The following CUX1 variants were observed in gnomAD, a reference collection of about 807,000 sequenced individuals.
The protein encoded by CUX1 is protein CASP.
CUX1 carries 31 observed loss-of-function variants against 158.8 expected under a neutral mutation model. The ratio of observed to expected loss-of-function variants is 0.20; its 90% CI spans 0.15 to 0.26. CUX1 has a LOEUF of 0.26. Ranked by LOEUF, CUX1 falls within the 10% of genes least tolerant of loss-of-function variation. CUX1 has a pLI of 1.00. For missense variants in CUX1, 1,589 were observed against 2,014.6 expected (o/e 0.79, Z 4.04); for synonymous variants, 879 against 862.1 (o/e 1.02, Z -0.34).
chr7:102,209,259 T>A (rs1340485283), intron 20 of CUX1, among the ~76,000 whole-genome samples: 1 of 152,214 alleles, frequency 6.6e-6, no homozygotes, highest in Non-Finnish European at 1.5e-5. Flanking sequence ...AACTGACATT[T>A]CATTCACATC....
chr7:102,205,284 G>T, intron 20 of CUX1, 114 bp downstream of exon 20: 1 of 795,356 alleles, frequency 1.3e-6, no homozygotes. Context: ...CTGGATTTGG[G>T]GAGCTGAAAT....
chr7:102,257,138 CT>C lies in CUX1; in HGVS notation c.*8098del. The C allele has an allele frequency of 1.0e-6, 1 of 985,384 alleles. No individual in the cohort carries two copies. The highest frequency in any genetic ancestry group is 1.2e-6 in the Non-Finnish European group (1 of 829,936). The allele number at this position is 985,384 out of a possible 1,614,324, so 61.0% of individuals were successfully genotyped here. On this transcript the variant is annotated 3_prime_UTR_variant, in exon 24 of 24. Transcript: ENST00000292535. Reference sequence around the variant, plus strand: ...ATCCCATGGGCCCAGCAGAAGGAAACTTACCCCAGGCCAAGGCAAGGGCCCT... The same window carrying C: ...ATCCCATGGGCCCAGCAGAAGGAAACTACCCCAGGCCAAGGCAAGGGCCCT...
At chr7:102,061,040 C>G (rs1014773431) in intron 3 of CUX1, among the ~76,000 whole-genome samples, 5 of 149,990 alleles carry the variant, frequency 3.3e-5, no homozygotes, top group Non-Finnish European at 5.9e-5. Context: ...TTCTCCTGCC[C>G]CAGCCTCCCC....
chr7:101,947,735 TA>T (rs1808570681), intron 2 of CUX1, among the ~76,000 whole-genome samples: 1 of 152,228 alleles, frequency 6.6e-6, no homozygotes, highest in African/African-American at 2.4e-5. Flanking sequence ...GGGATTTTTT[TA>T]AAAGGAATCT....
Position 102,249,153 on chromosome 7 carries a change from C to CCT in CUX1, c.*112_*113insTC, listed in dbSNP as rs1801195660. On this transcript the variant is annotated 3_prime_UTR_variant, in exon 24 of 24. Transcript: ENST00000292535. ...GCCTGGGCTTGGCCCGCGGCCTGCA[C>CCT]CGACCCCGGGCCGGACCTGAGCCCG... The CCT allele has an allele frequency of 4.3e-6, 5 of 1,152,276 alleles. No homozygotes were observed. The highest frequency in any genetic ancestry group is 4.7e-5 in the Admixed American group (1 of 21,144). 71.4% of individuals were successfully genotyped at this position (1,152,276 alleles called of 1,614,324 possible). A position where few individuals can be genotyped will look rare whatever the true frequency, so the allele number is the denominator to read the frequency against.
intron 4 of CUX1, among the ~76,000 whole-genome samples, chr7:102,094,688 C>T (rs1554483422): frequency 1.3e-5 from 2 of 152,196 alleles, no homozygotes; most frequent in Non-Finnish European, 2.9e-5. Context: ...AGAAAGCCTA[C>T]GTGAGCAACT....
rs879983108 is a variant in CUX1, at chr7:102,252,741, C to G, written c.*3699C>G. The G allele has an allele frequency of 8.1e-6, 8 of 985,414 alleles. No individual in the cohort carries two copies. In the Admixed American group the frequency reaches 4.9e-4, roughly 61 times the overall value. The allele number at this position is 985,414 out of a possible 1,614,324, so 61.0% of individuals were successfully genotyped here. ...GTCTTCTGTCCTCCTCCCCAACCCC[C>G]GAGCTCCCTGGTAACCTCCTCTTGA... On this transcript the variant is annotated 3_prime_UTR_variant, in exon 24 of 24. Coordinates refer to ENST00000292535, the MANE Select transcript of CUX1 (RefSeq NM_181552.4).
chr7:101,821,555 G>A lies in CUX1; in HGVS notation c.30+3886G>A, dbSNP rs62463716. On this transcript the variant is annotated intron_variant, in intron 1 of 23. Coordinates refer to ENST00000292535, the MANE Select transcript of CUX1 (RefSeq NM_181552.4). ...GGGTTTCACCGTGTTAGCCCGGATG[G>A]TCTCGATCTCCTCACTTAGTGATCC... Among the ~76,000 whole-genome samples the A allele has an allele frequency of 6.7e-3, 1,010 of 151,022 alleles. 16 individuals carry two copies. Among genetic ancestry groups the A allele is most frequent in the African/African-American group, 0.02 (838 of 41,194 alleles).
At chr7:102,265,663 A>T (rs1432696352) in intron 14 of CUX1, among the ~76,000 whole-genome samples, 1 of 151,766 alleles carries the variant, frequency 6.6e-6, no homozygotes, top group African/African-American at 2.4e-5. Context: ...AAACTCCTGG[A>T]CTCAAGCAAT....
chr7:102,046,716 A>G (rs113915716), intron 3 of CUX1, among the ~76,000 whole-genome samples: 1,608 of 151,740 alleles, frequency 0.011, 32 homozygotes, highest in African/African-American at 0.037. Flanking sequence ...GGCTGGGACT[A>G]CAGGTACACA....
At chr7:102,096,195 G>A (rs1554484050) in intron 4 of CUX1, among the ~76,000 whole-genome samples, 1 of 152,262 alleles carries the variant, frequency 6.6e-6, no homozygotes, top group Non-Finnish European at 1.5e-5. Flanking sequence ...CTCCTGGCCA[G>A]CTGGTCTACG....
At chr7:101,952,461 C>T (rs1052430475) in intron 2 of CUX1, among the ~76,000 whole-genome samples, 3 of 152,192 alleles carry the variant, frequency 2.0e-5, no homozygotes, top group African/African-American at 4.8e-5. Flanking sequence ...CAGGCCCAGC[C>T]GCCTGTGCCT....
chr7:101,857,145 G>T (rs1796939084), intron 1 of CUX1, among the ~76,000 whole-genome samples: 1 of 152,036 alleles, frequency 6.6e-6, no homozygotes, highest in South Asian at 2.1e-4. Flanking sequence ...CCCTTACCCC[G>T]CCCGGTGTTA....
At chr7:102,038,054 A>G (rs1247924205) in intron 3 of CUX1, among the ~76,000 whole-genome samples, 1 of 151,638 alleles carries the variant, frequency 6.6e-6, no homozygotes, top group African/African-American at 2.4e-5. Context: ...TGTCTCAAAA[A>G]AAAAAAAAGC....
At chr7:102,282,792 T>TGGGG in intron 22 of CUX1, 1 of 1,598,482 alleles carries the variant, frequency 6.3e-7, no homozygotes, top group Non-Finnish European at 8.5e-7. Context: ...GACCCCCACT[T>TGGGG]GGGCCCCCCC....
At chr7:102,142,588 G>A (rs1834576210) in intron 8 of CUX1, among the ~76,000 whole-genome samples, 1 of 151,950 alleles carries the variant, frequency 6.6e-6, no homozygotes, top group African/African-American at 2.4e-5. Flanking sequence ...TAGTACCACT[G>A]CACTCCAGCC....
rs182597071 is a variant in CUX1 at position 101,921,702 on chromosome 7, T to C, written c.141+5477T>C. Among the ~76,000 whole-genome samples the C allele has an allele frequency of 2.8e-3, 421 of 152,180 alleles. 1 individual carries two copies. The highest frequency in any genetic ancestry group is 5.1e-3 in the Non-Finnish European group (345 of 68,000). ...GTCTTGAACTCCTGACTTCAGGTGA[T>C]CCACCCGCCTCGGCCTCCCGAAGTG... On this transcript the variant is annotated intron_variant, in intron 2 of 23. Coordinates refer to ENST00000292535, the MANE Select transcript of CUX1 (RefSeq NM_181552.4).
intron 22 of CUX1, among the ~76,000 whole-genome samples, chr7:102,236,214 G>GC (rs1166828717): frequency 6.6e-6 from 1 of 152,158 alleles, no homozygotes; most frequent in African/African-American, 2.4e-5. Flanking sequence ...GCTGCGAGCT[G>GC]CCCCCCTGGG....
At chr7:102,152,880 C>A (rs1835847429) in intron 8 of CUX1, among the ~76,000 whole-genome samples, 1 of 152,306 alleles carries the variant, frequency 6.6e-6, no homozygotes, top group African/African-American at 2.4e-5. Flanking sequence ...TCGTCATTGT[C>A]ATTCGAAAGC....
Sources: gnomAD v4.1 joint callset for allele counts (sites outside exome capture counted in the v4.1 genomes callset) on GRCh38, gnomAD v4.1.1 for gene constraint, MANE v1.5 for transcripts, NCBI Gene and HGNC (gene_info 2026-07-23, HGNC 2026-07-21) for gene names.